The following CSGALNACT1 variants were observed in gnomAD, a reference collection of about 807,000 sequenced individuals.
CSGALNACT1 encodes beta4GalNAcT-1.
Under a neutral mutation model 51.0 loss-of-function variants are expected in CSGALNACT1, and 52 were observed. That is an observed-to-expected ratio of 1.02 (90% CI 0.82 to 1.29). The LOEUF (loss-of-function observed/expected upper bound fraction) is 1.29. Among genes scored for constraint, CSGALNACT1 ranks in the 50% most tolerant of loss-of-function variants. CSGALNACT1 has a pLI of 0.00. For missense variants in CSGALNACT1, 935 were observed against 679.2 expected (o/e 1.38, Z -4.19); for synonymous variants, 341 against 254.4 (o/e 1.34, Z -3.24).
At chr8:19,489,638 G>C (rs1261453636) in intron 4 of CSGALNACT1, among the ~76,000 whole-genome samples, 1 of 152,186 alleles carries the variant, frequency 6.6e-6, no homozygotes, top group African/African-American at 2.4e-5. Context: ...AGACCCTGAT[G>C]AATTAATCGA....
At chr8:19,600,399 G>C (rs1471731525) in intron 2 of CSGALNACT1, among the ~76,000 whole-genome samples, 3 of 152,122 alleles carry the variant, frequency 2.0e-5, no homozygotes, top group Non-Finnish European at 4.4e-5. Flanking sequence ...ATTTTGTAAA[G>C]TTTATTTTGA....
chr8:19,405,782 A>T, exon 10 of CSGALNACT1: 1 of 1,614,140 alleles, frequency 6.2e-7, no homozygotes, highest in Non-Finnish European at 8.5e-7. Context: ...CTGGGAGTTC[A>T]TGTTTTTTTG....
chr8:19,506,212 G>C (rs182466304), intron 3 of CSGALNACT1, 82 bp from the exon 3 acceptor site: 1 of 433,020 alleles, frequency 2.3e-6, no homozygotes, highest in African/African-American at 2.0e-5. Flanking sequence ...ATATCCAATA[G>C]ATCTCCTGTG....
intron 8 of CSGALNACT1, among the ~76,000 whole-genome samples, chr8:19,415,583 C>G (rs191657432): frequency 6.7e-6 from 1 of 150,286 alleles, no homozygotes; most frequent in Non-Finnish European, 1.5e-5. Context: ...TGCACTGTGC[C>G]TCTGATTCCC....
chr8:19,619,696 TTTGAACTG>T (rs1300922742), intron 1 of CSGALNACT1, among the ~76,000 whole-genome samples: 1 of 152,186 alleles, frequency 6.6e-6, no homozygotes, highest in Non-Finnish European at 1.5e-5. Context: ...AAAACACAGT[TTTGAACTG>T]TTGAACACAT....
intron 6 of CSGALNACT1, among the ~76,000 whole-genome samples, chr8:19,434,593 A>C (rs1460585221): frequency 6.6e-6 from 1 of 152,190 alleles, no homozygotes; most frequent in African/African-American, 2.4e-5. Context: ...ATCCCCAGTA[A>C]ACAATTCAGA....
chr8:19,584,959 T>G (rs904192809), intron 3 of CSGALNACT1, among the ~76,000 whole-genome samples: 1 of 152,164 alleles, frequency 6.6e-6, no homozygotes, highest in Admixed American at 6.5e-5. Flanking sequence ...AGAACCCAAA[T>G]AGACTTAAGT....
intron 3 of CSGALNACT1, among the ~76,000 whole-genome samples, chr8:19,527,426 C>T (rs2081933227): frequency 6.6e-6 from 1 of 152,010 alleles, no homozygotes; most frequent in African/African-American, 2.4e-5. Flanking sequence ...TATGGTGAAC[C>T]AACCCCGCCC....
intron 1 of CSGALNACT1, among the ~76,000 whole-genome samples, chr8:19,718,461 T>C (rs570992837): frequency 8.0e-4 from 122 of 152,286 alleles, no homozygotes; most frequent in African/African-American, 2.8e-3. Context: ...AAGATTGAAT[T>C]TGCACAGTTC....
At chr8:19,582,004 C>G (rs1168275008) in intron 3 of CSGALNACT1, among the ~76,000 whole-genome samples, 2 of 152,210 alleles carry the variant, frequency 1.3e-5, no homozygotes, top group Non-Finnish European at 2.9e-5. Flanking sequence ...TGATCACCTA[C>G]CAGCCCAGGC....
chr8:19,640,881 G>T (rs914332072), intron 1 of CSGALNACT1, among the ~76,000 whole-genome samples: 2 of 148,652 alleles, frequency 1.3e-5, no homozygotes, highest in Non-Finnish European at 3.0e-5. Flanking sequence ...AGTTTTGGTT[G>T]TTTTTTTTTT....
chr8:19,592,576 A>C (rs1299555727), intron 2 of CSGALNACT1, among the ~76,000 whole-genome samples: 1 of 152,106 alleles, frequency 6.6e-6, no homozygotes, highest in Admixed American at 6.5e-5. Context: ...CCATGGCAAA[A>C]CTCAGTCTCT....
intron 1 of CSGALNACT1, among the ~76,000 whole-genome samples, chr8:19,628,207 G>T (rs961035121): frequency 6.6e-6 from 1 of 152,180 alleles, no homozygotes; most frequent in African/African-American, 2.4e-5. Context: ...ATTTACAAAG[G>T]AAAGAGGTTA....
intron 8 of CSGALNACT1, among the ~76,000 whole-genome samples, chr8:19,416,890 T>C (rs865825707): frequency 1.3e-5 from 2 of 151,486 alleles, no homozygotes; most frequent in Non-Finnish European, 2.9e-5. Flanking sequence ...TGAGACAGGG[T>C]CTCACTCCAT....
intron 3 of CSGALNACT1, among the ~76,000 whole-genome samples, chr8:19,567,203 T>A (rs1008913578): frequency 1.5e-4 from 23 of 152,206 alleles, no homozygotes; most frequent in African/African-American, 5.5e-4. Flanking sequence ...CCAGATGTCC[T>A]GAGCTGATCA....
chr8:19,488,853 A>G (rs1218152842), intron 4 of CSGALNACT1, among the ~76,000 whole-genome samples: 4 of 152,188 alleles, frequency 2.6e-5, no homozygotes, highest in African/African-American at 7.2e-5. Context: ...AACAGTGAAG[A>G]GAAGACAACA....
At chr8:19,607,952 GT>G in intron 1 of CSGALNACT1, among the ~76,000 whole-genome samples, 1 of 152,238 alleles carries the variant, frequency 6.6e-6, no homozygotes, top group South Asian at 2.1e-4. Context: ...AGACTTAGAT[GT>G]TAAGACTAGG....
At chr8:19,690,269 T>C (rs1427963710) in intron 1 of CSGALNACT1, among the ~76,000 whole-genome samples, 1 of 152,240 alleles carries the variant, frequency 6.6e-6, no homozygotes, top group Admixed American at 6.5e-5. Flanking sequence ...GAAGGCAACA[T>C]TAACTGCATT....
At chr8:19,425,726 C>G (rs1462842032) in intron 6 of CSGALNACT1, among the ~76,000 whole-genome samples, 1 of 152,306 alleles carries the variant, frequency 6.6e-6, no homozygotes, top group African/African-American at 2.4e-5. Context: ...AAATAAAACT[C>G]GGATAGACTG....
Sources: gnomAD v4.1 joint callset for allele counts (sites outside exome capture counted in the v4.1 genomes callset) on GRCh38, gnomAD v4.1.1 for gene constraint, MANE v1.5 for transcripts, NCBI Gene and HGNC (gene_info 2026-07-23, HGNC 2026-07-21) for gene names.